Variants in RGS7 observed in about 807,000 individuals in gnomAD.
RGS7 encodes regulator of G-protein signaling 7.
In RGS7, 27 loss-of-function variants were observed where a neutral mutation model predicts 81.1. The observed-to-expected ratio is 0.33, with a 90% CI of 0.25 to 0.46. The LOEUF is 0.46. Among genes scored for constraint, RGS7 ranks in the 20% least tolerant of loss-of-function variants. The pLI is 1.00. For missense variants in RGS7, 396 were observed against 607.4 expected (o/e 0.65, Z 3.66); for synonymous variants, 208 against 207.7 (o/e 1.00, Z -0.01).
intron 2 of RGS7, among the ~76,000 whole-genome samples, chr1:241,241,055 C>T (rs2076236821): frequency 6.6e-6 from 1 of 152,094 alleles, no homozygotes; most frequent in Non-Finnish European, 1.5e-5. Flanking sequence ...TCCCAACCCT[C>T]CTCATCGGCT....
At chr1:241,133,481 T>C (rs2067270759) in intron 2 of RGS7, among the ~76,000 whole-genome samples, 1 of 151,934 alleles carries the variant, frequency 6.6e-6, no homozygotes, top group African/African-American at 2.4e-5. Context: ...AAGAGATAGG[T>C]TGATAATATT....
At chr1:240,924,718 T>C (rs1373404243) in intron 6 of RGS7, among the ~76,000 whole-genome samples, 1 of 152,194 alleles carries the variant, frequency 6.6e-6, no homozygotes, top group East Asian at 1.9e-4. Context: ...TAAGGTCTTT[T>C]AAGATAGCCC....
At chr1:240,900,629 G>A (rs1045520403) in intron 6 of RGS7, among the ~76,000 whole-genome samples, 58 of 152,294 alleles carry the variant, frequency 3.8e-4, no homozygotes, top group African/African-American at 1.3e-3. Flanking sequence ...AACAGCAAAT[G>A]TTGCTGTCTG....
At chr1:241,165,577 CAAT>C (rs1282073272) in intron 2 of RGS7, among the ~76,000 whole-genome samples, 1 of 138,434 alleles carries the variant, frequency 7.2e-6, no homozygotes, top group African/African-American at 2.8e-5. Context: ...GGGAATTGAA[CAAT>C]GAGAACACAT....
intron 10 of RGS7, 117 bp from the exon 11 acceptor site, chr1:240,816,532 G>C (rs1389599411): frequency 1.4e-6 from 1 of 701,150 alleles, no homozygotes; most frequent in Non-Finnish European, 2.5e-6. Flanking sequence ...ATTTGATTAA[G>C]CTTCTTAACA....
chr1:240,886,351 T>A (rs1441726067), intron 6 of RGS7, among the ~76,000 whole-genome samples: 1 of 152,206 alleles, frequency 6.6e-6, no homozygotes, highest in Non-Finnish European at 1.5e-5. Context: ...CAAAGGAAAG[T>A]TCTGTCATTC....
At chr1:241,212,580 G>T (rs1202906273) in intron 2 of RGS7, among the ~76,000 whole-genome samples, 1 of 152,186 alleles carries the variant, frequency 6.6e-6, no homozygotes, top group African/African-American at 2.4e-5. Context: ...CTAGCTGTCT[G>T]CACAGGAGGG....
At chr1:241,099,780 G>A (rs1185216124) in intron 2 of RGS7, among the ~76,000 whole-genome samples, 1 of 152,118 alleles carries the variant, frequency 6.6e-6, no homozygotes, top group Admixed American at 6.5e-5. Flanking sequence ...CCAGACATAT[G>A]ACTGGGCACC....
At chr1:241,233,803 T>G (rs568348803) in intron 2 of RGS7, among the ~76,000 whole-genome samples, 3 of 27,360 alleles carry the variant, frequency 1.1e-4, no homozygotes, top group Non-Finnish European at 2.4e-4. Flanking sequence ...TAGTTTAGTT[T>G]TTTTTTTTTT....
chr1:240,824,792 T>C (rs1692504743), intron 10 of RGS7, among the ~76,000 whole-genome samples: 1 of 152,138 alleles, frequency 6.6e-6, no homozygotes, highest in South Asian at 2.1e-4. Context: ...GTTAGGTGGG[T>C]TATAGGGTGG....
chr1:241,147,780 T>TATATATATATATATATA (rs2068424502), intron 2 of RGS7, among the ~76,000 whole-genome samples: 3 of 44,644 alleles, frequency 6.7e-5, no homozygotes, highest in Admixed American at 3.7e-4. Context: ...AGATTAAGTT[T>TATATATATATATATATA]TATATATATA....
chr1:241,235,589 C>A (rs2075888548), intron 2 of RGS7, among the ~76,000 whole-genome samples: 2 of 138,508 alleles, frequency 1.4e-5, no homozygotes, highest in Non-Finnish European at 3.2e-5. Context: ...CTTTCTCTTT[C>A]TTTCTTCCTT....
chr1:241,304,034 C>T (rs1425332133), intron 2 of RGS7, among the ~76,000 whole-genome samples: 4 of 152,196 alleles, frequency 2.6e-5, no homozygotes, highest in Non-Finnish European at 5.9e-5. Flanking sequence ...TCTTCATTTA[C>T]TATTTTAAAT....
At chr1:240,897,685 C>A (rs12747557) in intron 6 of RGS7, among the ~76,000 whole-genome samples, 19,419 of 151,958 alleles carry the variant, frequency 0.13, 1,347 homozygotes, top group Middle Eastern at 0.17. Context: ...TCGGTTTGCC[C>A]GTATTTTATT....
At chr1:241,190,988 A>AT (rs113176654) in intron 2 of RGS7, among the ~76,000 whole-genome samples, 8,901 of 143,730 alleles carry the variant, frequency 0.062, 378 homozygotes, top group African/African-American at 0.13. Flanking sequence ...CGCTATTGCC[A>AT]TTTTTTTTTT....
At chr1:241,157,482 G>A (rs1164944504) in intron 2 of RGS7, among the ~76,000 whole-genome samples, 1 of 152,072 alleles carries the variant, frequency 6.6e-6, no homozygotes, top group East Asian at 1.9e-4. Context: ...GTTCACTGCT[G>A]GTGTGAGAAT....
At chr1:241,294,906 A>G (rs2079308443) in intron 2 of RGS7, among the ~76,000 whole-genome samples, 1 of 152,224 alleles carries the variant, frequency 6.6e-6, no homozygotes, top group South Asian at 2.1e-4. Context: ...GTGTTAGTCA[A>G]CTAAAGAAAC....
At chr1:240,864,135 C>T (rs1572478206) in intron 9 of RGS7, among the ~76,000 whole-genome samples, 1 of 152,062 alleles carries the variant, frequency 6.6e-6, no homozygotes, top group East Asian at 1.9e-4. Flanking sequence ...TCATAAAATG[C>T]GACACTGGAC....
At chr1:240,888,031 A>G (rs1306720544) in intron 6 of RGS7, among the ~76,000 whole-genome samples, 1 of 152,154 alleles carries the variant, frequency 6.6e-6, no homozygotes, top group Non-Finnish European at 1.5e-5. Flanking sequence ...TGCCTACTAT[A>G]TTGGTGATGG....
Sources: allele counts gnomAD v4.1 joint callset (sites outside exome capture counted in the v4.1 genomes callset), GRCh38; gene constraint gnomAD v4.1.1; transcripts MANE v1.5; gene names NCBI Gene and HGNC (gene_info 2026-07-23, HGNC 2026-07-21).